The following TLN2 variants were observed in gnomAD, a reference collection of about 807,000 sequenced individuals.
TLN2 encodes the protein talin 2.
Under a neutral mutation model 294.7 loss-of-function variants are expected in TLN2, and 118 were observed. That is an observed-to-expected ratio of 0.40 (90% CI 0.34 to 0.47). The LOEUF (loss-of-function observed/expected upper bound fraction) is 0.47, where lower values mean the gene tolerates loss of function less well. TLN2 is among the 20% of genes least tolerant of loss of function. The probability of loss-of-function intolerance (pLI) is 0.84; values close to 1 mark genes in which losing one functional copy is unlikely to be tolerated. For synonymous variants in TLN2, 1,431 were observed against 1,304.5 expected (o/e 1.10, Z -2.09); for missense variants, 3,083 against 3,282.2 (o/e 0.94, Z 1.48).
rs150938028 is a variant in TLN2 at position 62,648,800 on chromosome 15, C to T, written c.137-1284C>T. On this transcript the variant is annotated intron_variant, in intron 4 of 58. Coordinates refer to ENST00000636159, the MANE Select transcript of TLN2 (RefSeq NM_015059.3). ...CTGACCTCTGGTGATCTGCCTGCCT[C>T]GGCCTCCTAAAGTGCTGGGATTACA... is the stretch of plus-strand genomic sequence containing the variant. Among the ~76,000 whole-genome samples the T allele has an allele frequency of 7.5e-3, 1,145 of 152,088 alleles. 18 individuals are homozygous for T. Among genetic ancestry groups the T allele is most frequent in the African/African-American group, 0.026 (1,093 of 41,456 alleles).
intron 1 of TLN2, among the ~76,000 whole-genome samples, chr15:62,540,524 G>A (rs962247344): frequency 1.3e-5 from 2 of 152,000 alleles, no homozygotes; most frequent in African/African-American, 4.8e-5. Context: ...AAGGAGGGGA[G>A]GAAAGAAGTG....
chr15:62,478,556 C>T (rs1021825389), intron 1 of TLN2, among the ~76,000 whole-genome samples: 3 of 152,100 alleles, frequency 2.0e-5, no homozygotes, highest in East Asian at 1.9e-4. Context: ...TGCCCACCTC[C>T]GCCAGGCTCA....
intron 1 of TLN2, among the ~76,000 whole-genome samples, chr15:62,528,949 C>G (rs2040883323): frequency 6.6e-6 from 1 of 152,154 alleles, no homozygotes; most frequent in Non-Finnish European, 1.5e-5. Context: ...AGCTGAACAT[C>G]CTTAAAACAC....
chr15:62,697,102 GTGT>G (rs1302144107), intron 14 of TLN2, among the ~76,000 whole-genome samples: 2 of 152,294 alleles, frequency 1.3e-5, no homozygotes, highest in East Asian at 3.9e-4. Flanking sequence ...GGGAATCTCT[GTGT>G]TGTTGTCATT....
rs371925882 is a variant in TLN2, at chr15:62,800,361, C to T, written c.6235-7C>T. 1.5e-5 allele frequency: 25 copies of T among 1,613,234 alleles called. No homozygotes were observed. Among genetic ancestry groups the T allele is most frequent in the Non-Finnish European group, 2.0e-5 (24 of 1,179,802 alleles). ...CCTGCTCACCTGAGTTCTGTGCTCT[C>T]TTTCAGGTGGTTTTGATCAATGCCA... On this transcript the variant is annotated splice_polypyrimidine_tract_variant and splice_region_variant and intron_variant, in intron 48 of 58. Transcript: ENST00000636159.
At chr15:62,530,585 G>C (rs972476269) in intron 1 of TLN2, among the ~76,000 whole-genome samples, 1 of 152,136 alleles carries the variant, frequency 6.6e-6, no homozygotes, top group Non-Finnish European at 1.5e-5. Flanking sequence ...TCGAACTCCG[G>C]AGCTCATGAT....
chr15:62,550,554 T>G (rs1001768025), intron 1 of TLN2, among the ~76,000 whole-genome samples: 4 of 152,204 alleles, frequency 2.6e-5, no homozygotes, highest in Non-Finnish European at 5.9e-5. Context: ...ATACTGAGTA[T>G]TTTTCAGTAT....
At chr15:62,667,839 A>G (rs1208881434) in intron 9 of TLN2, among the ~76,000 whole-genome samples, 3 of 152,236 alleles carry the variant, frequency 2.0e-5, no homozygotes, top group Non-Finnish European at 1.5e-5. Flanking sequence ...AGGTTCGATT[A>G]TGTACACACA....
chr15:62,400,124 GT>G (rs1228963573), intron 1 of TLN2, among the ~76,000 whole-genome samples: 1 of 152,184 alleles, frequency 6.6e-6, no homozygotes, highest in Non-Finnish European at 1.5e-5. Context: ...AGATCTGATG[GT>G]TTTATGAGGG....
At position 62,766,350 on chromosome 15, in the gene TLN2, C is replaced by A. The variant is rs766151060; in HGVS notation, c.5124C>A (p.Val1708=). The change falls in exon 41 of 59, where the codon GTC becomes GTA. Residue 1708 remains valine (V), a synonymous_variant. Coordinates refer to ENST00000636159, the MANE Select transcript of TLN2 (RefSeq NM_015059.3). ...TGCAGGAGCAGCTGACTTCGGTGGT[C>A]CAGGAAATCGGACACCTTATCGATC... The part of the protein sequence containing the change: ...EALQEQLTSV[V]QEIGHLIDPI... 6.2e-7 allele frequency: 1 copy of A among 1,613,172 alleles called. No individual in the cohort carries two copies. The highest frequency in any genetic ancestry group is 8.5e-7 in the Non-Finnish European group (1 of 1,179,270).
chr15:62,725,322 C>T (rs1474645139), intron 27 of TLN2, among the ~76,000 whole-genome samples: 2 of 152,110 alleles, frequency 1.3e-5, no homozygotes, highest in Admixed American at 6.5e-5. Flanking sequence ...TAGCTGTGCA[C>T]GCGTCCCATA....
intron 1 of TLN2, among the ~76,000 whole-genome samples, chr15:62,457,099 G>T (rs999494326): frequency 7.2e-5 from 11 of 152,222 alleles, no homozygotes; most frequent in Admixed American, 6.5e-4. Context: ...ATTGGAAAAT[G>T]CTGTGGACTG....
At chr15:62,833,874 C>T (rs1439517782) in intron 55 of TLN2, 2 of 436,198 alleles carry the variant, frequency 4.6e-6, no homozygotes, top group Non-Finnish European at 8.0e-6. Context: ...CAGGCAGTGA[C>T]TGGGGCCTGA....
At chr15:62,463,873 C>G (rs7174636) in intron 1 of TLN2, among the ~76,000 whole-genome samples, 1 of 152,038 alleles carries the variant, frequency 6.6e-6, no homozygotes, top group African/African-American at 2.4e-5. Flanking sequence ...GGCAACAGAG[C>G]GAGACTCTGT....
chr15:62,832,603 C>T (rs967578652), intron 54 of TLN2: 1 of 152,246 alleles, frequency 6.6e-6, no homozygotes, highest in African/African-American at 2.4e-5. Flanking sequence ...GGTCTGATAA[C>T]ACCTACACAG....
rs200481728 is a variant in TLN2, at chr15:62,577,698, T to A, written c.-237-11989T>A. Reference sequence around the variant, plus strand: ...TTTGTATATATTTAACTTATAAAAATTTTTTTTTAATATACTTTAAGCTCT... The same window carrying A: ...TTTGTATATATTTAACTTATAAAAAATTTTTTTTAATATACTTTAAGCTCT... On this transcript the variant is annotated intron_variant, in intron 1 of 58. Coordinates refer to ENST00000636159, the MANE Select transcript of TLN2 (RefSeq NM_015059.3). Among the ~76,000 whole-genome samples, 407 of 151,596 alleles carry A rather than the reference T, an allele frequency of 2.7e-3. 1 individual carries two copies. The highest frequency in any genetic ancestry group is 0.01 in the Middle Eastern group (3 of 286).
intron 22 of TLN2, 139 bp from the exon 23 acceptor site, chr15:62,716,189 ATCT>A (rs772338319): frequency 4.2e-5 from 46 of 1,082,994 alleles, no homozygotes; most frequent in Non-Finnish European, 1.6e-5. Context: ...ATGAGGAAAC[ATCT>A]TCATCATAAA....
chr15:62,621,134 C>T (rs1056050455), intron 3 of TLN2, among the ~76,000 whole-genome samples: 78 of 152,100 alleles, frequency 5.1e-4, no homozygotes, highest in African/African-American at 1.8e-3. Context: ...CCACTGTGCC[C>T]GGCCAAAACC....
intron 53 of TLN2, among the ~76,000 whole-genome samples, chr15:62,819,823 TA>T (rs749726606): frequency 7.9e-5 from 12 of 152,236 alleles, no homozygotes; most frequent in Non-Finnish European, 1.8e-4. Context: ...GTCTTTTCTC[TA>T]GTCTTTGTAT....
Sources: gnomAD v4.1 joint callset for allele counts (sites outside exome capture counted in the v4.1 genomes callset) on GRCh38, gnomAD v4.1.1 for gene constraint, MANE v1.5 for transcripts, NCBI Gene and HGNC (gene_info 2026-07-23, HGNC 2026-07-21) for gene names.